The following ZNF423 variants were observed in gnomAD, a reference collection of about 807,000 sequenced individuals.
The protein encoded by ZNF423 is zinc finger protein 423.
In ZNF423, 12 loss-of-function variants were observed where a neutral mutation model predicts 95.8. The ratio of observed to expected loss-of-function variants is 0.13; its 90% CI spans 0.08 to 0.20. The LOEUF (loss-of-function observed/expected upper bound fraction) is 0.20. Among genes scored for constraint, ZNF423 ranks in the 10% least tolerant of loss-of-function variants. ZNF423 has a pLI of 1.00. For synonymous variants in ZNF423, 749 were observed against 711.9 expected (o/e 1.05, Z -0.83); for missense variants, 1,316 against 1,737.1 (o/e 0.76, Z 4.31).
intron 5 of ZNF423, among the ~76,000 whole-genome samples, chr16:49,552,393 G>C (rs879276103): frequency 6.6e-6 from 1 of 152,144 alleles, no homozygotes; most frequent in Non-Finnish European, 1.5e-5. Context: ...AATAGGGGGT[G>C]GGCCAGGAGC....
In ZNF423 at chr16:49,744,865, C is replaced by T. The variant is rs565764289; in HGVS notation, c.101-13894G>A. On this transcript the variant is annotated intron_variant, in intron 2 of 7. Coordinates refer to ENST00000563137, the MANE Select transcript of ZNF423 (RefSeq NM_001379286.1). ...GGCTCCTCCTCAAACCATCACTTAA[C>T]TCGGATTTCAAACTGCTGGCGATGT... is the stretch of plus-strand genomic sequence containing the variant. Among the ~76,000 whole-genome samples, 7 of 152,346 alleles carry T rather than the reference C, an allele frequency of 4.6e-5. No individual in the cohort carries two copies. The East Asian group carries it at 1.4e-3, about 29-fold the overall frequency.
chr16:49,637,149 T>C lies in ZNF423; in HGVS notation c.2027A>G (p.Lys676Arg). Residue 676 changes from lysine to arginine, a missense_variant, in exon 4 of 8, where the codon AAA becomes AGA. By Grantham distance (26) the Lys-to-Arg change is conservative. Coordinates refer to ENST00000563137, the MANE Select transcript of ZNF423 (RefSeq NM_001379286.1). The surrounding 1 kb of genome is among the most constrained non-coding windows in gnomAD (Gnocchi z 5.6). ...LLRKQACPQC[K>R]EDFDSQESLL... ...GGACTCCTGGGAGTCAAAGTCCTCT[T>C]TGCACTGGGGGCACGCTTGCTTCCG... 6.2e-7 allele frequency: 1 copy of C among 1,613,682 alleles called. No homozygotes were observed. The highest frequency in any genetic ancestry group is 1.3e-5 in the African/African-American group (1 of 75,062).
chr16:49,602,350 A>C (rs890561781), intron 5 of ZNF423, among the ~76,000 whole-genome samples: 1 of 152,190 alleles, frequency 6.6e-6, no homozygotes, highest in Non-Finnish European at 1.5e-5. Flanking sequence ...GGCCCTCCTC[A>C]TCTTTTCTGC....
rs572062734 is a variant in ZNF423 at position 49,543,843 on chromosome 16, G to A, written c.3602-18349C>T. ...CCCGGTCACAGCGACCGCCACTCAC[G>A]GGCTGGCTGACCTTGGGCAAGTCGC... On this transcript the variant is annotated intron_variant, in intron 5 of 7. Coordinates refer to ENST00000563137, the MANE Select transcript of ZNF423 (RefSeq NM_001379286.1). Among the ~76,000 whole-genome samples, 71 of 152,290 alleles carry A rather than the reference G, an allele frequency of 4.7e-4. 1 individual carries two copies. Among genetic ancestry groups the A allele is most frequent in the East Asian group, 1.9e-4 (1 of 5,174 alleles).
intron 1 of ZNF423, among the ~76,000 whole-genome samples, chr16:49,837,280 A>T (rs1020541954): frequency 3.3e-5 from 5 of 152,116 alleles, no homozygotes; most frequent in African/African-American, 1.2e-4. Flanking sequence ...GCCCTGCTAC[A>T]CGTGGCTGTG....
chr16:49,730,237 G>A (rs2033128964), intron 3 of ZNF423, among the ~76,000 whole-genome samples: 1 of 152,170 alleles, frequency 6.6e-6, no homozygotes, highest in African/African-American at 2.4e-5. Context: ...CAGAGCTCCA[G>A]TCAAATCTAG....
intron 3 of ZNF423, among the ~76,000 whole-genome samples, chr16:49,675,938 C>A (rs2151930486): frequency 6.6e-6 from 1 of 152,302 alleles, no homozygotes; most frequent in South Asian, 2.1e-4. Flanking sequence ...CAGAGGTGTG[C>A]AACATCCACG....
chr16:49,832,833 A>G (rs2035075337), intron 1 of ZNF423, among the ~76,000 whole-genome samples: 1 of 152,234 alleles, frequency 6.6e-6, no homozygotes, highest in African/African-American at 2.4e-5. Context: ...CCAGGATGGT[A>G]GCCAAGCCTG....
chr16:49,513,737 T>C (rs1968000466), intron 7 of ZNF423, among the ~76,000 whole-genome samples: 1 of 152,040 alleles, frequency 6.6e-6, no homozygotes, highest in Non-Finnish European at 1.5e-5. Context: ...GAGAGTTTGG[T>C]GTAGACGTAG....
chr16:49,527,892 C>T (rs1968676743), intron 5 of ZNF423, among the ~76,000 whole-genome samples: 1 of 152,144 alleles, frequency 6.6e-6, no homozygotes, highest in African/African-American at 2.4e-5. Context: ...GCAGCCTGCC[C>T]TGACTATTCC....
chr16:49,705,044 C>CTT (rs1353169075), intron 3 of ZNF423, among the ~76,000 whole-genome samples: 1 of 152,206 alleles, frequency 6.6e-6, no homozygotes, highest in African/African-American at 2.4e-5. Context: ...TTGGCCTGCA[C>CTT]TTTTAAAGGT....
At chr16:49,739,489 A>G (rs566406973) in intron 2 of ZNF423, among the ~76,000 whole-genome samples, 3 of 152,222 alleles carry the variant, frequency 2.0e-5, no homozygotes, top group African/African-American at 7.2e-5. Context: ...TCCAAGTGTG[A>G]ATCCTCCCCT....
chr16:49,662,083 C>G (rs1421557797), intron 3 of ZNF423, among the ~76,000 whole-genome samples: 1 of 152,154 alleles, frequency 6.6e-6, no homozygotes, highest in African/African-American at 2.4e-5. Context: ...CACTGTGAGA[C>G]CCCCGCCCTT....
At chr16:49,502,196 G>C (rs1463985411) in intron 7 of ZNF423, among the ~76,000 whole-genome samples, 1 of 152,224 alleles carries the variant, frequency 6.6e-6, no homozygotes, top group South Asian at 2.1e-4. Context: ...CAGACACCCT[G>C]AAGTGAGGTG....
At chr16:49,693,466 C>A (rs903516954) in intron 3 of ZNF423, among the ~76,000 whole-genome samples, 1 of 152,156 alleles carries the variant, frequency 6.6e-6, no homozygotes, top group African/African-American at 2.4e-5. Context: ...TATCAATGAC[C>A]GTGGTGAAAT....
intron 2 of ZNF423, among the ~76,000 whole-genome samples, chr16:49,748,530 C>A (rs1224331233): frequency 1.3e-5 from 2 of 152,108 alleles, no homozygotes; most frequent in Admixed American, 1.3e-4. Flanking sequence ...GCACATCGAA[C>A]GGAAAAAATT....
Position 49,750,560 on chromosome 16 carries a change from C to T in ZNF423, c.101-19589G>A, listed in dbSNP as rs146987218. Among the ~76,000 whole-genome samples, 19 of 152,260 alleles carry T rather than the reference C, an allele frequency of 1.2e-4. No individual in the cohort carries two copies. In the East Asian group the frequency reaches 3.1e-3, roughly 25 times the overall value. ...CAGACGCTCCTCTCCAGAAGAGAGG[C>T]GCAGGGGCATTTAAGGCCATCTGTG... On this transcript the variant is annotated intron_variant, in intron 2 of 7. Coordinates refer to ENST00000563137, the MANE Select transcript of ZNF423 (RefSeq NM_001379286.1).
chr16:49,646,568 C>CTTTTTTTTTTTTTTT (rs1194511671), intron 3 of ZNF423, among the ~76,000 whole-genome samples: 4 of 120,716 alleles, frequency 3.3e-5, no homozygotes, highest in Non-Finnish European at 5.4e-5. Context: ...ATTTTCTTTT[C>CTTTTTTTTTTTTTTT]TTTTTCTTTT....
At chr16:49,523,826 G>A (rs1246918310) in intron 6 of ZNF423, 87 bp from the exon 7 acceptor site, 1 of 1,042,660 alleles carries the variant, frequency 9.6e-7, no homozygotes, top group African/African-American at 1.5e-5. Flanking sequence ...TCGCAGGCAG[G>A]GATCACTGTG....
Sources: gnomAD v4.1 joint callset for allele counts (sites outside exome capture counted in the v4.1 genomes callset) on GRCh38, gnomAD v4.1.1 for gene constraint, Gnocchi (gnomAD v3.1) non-coding constraint, MANE v1.5 for transcripts, NCBI Gene and HGNC (gene_info 2026-07-23, HGNC 2026-07-21) for gene names.